Variants in ANP32A observed in about 807,000 individuals in gnomAD.
ANP32A encodes the protein acidic nuclear phosphoprotein 32 family member A.
A neutral mutation model predicts 33.9 loss-of-function variants in ANP32A; 1 was observed. The ratio of observed to expected loss-of-function variants is 0.03; its 90% CI spans 0.01 to 0.14. The LOEUF is 0.14. ANP32A is among the 10% of genes least tolerant of loss of function. The pLI, the probability that ANP32A is intolerant of heterozygous loss-of-function variation, is 1.00. For missense variants in ANP32A, 155 were observed against 306.0 expected (o/e 0.51, Z 3.68); for synonymous variants, 115 against 120.5 (o/e 0.95, Z 0.30).
chr15:68,781,913 C>G (rs1331116310), intron 5 of ANP32A, among the ~76,000 whole-genome samples: 2 of 152,158 alleles, frequency 1.3e-5, no homozygotes, highest in South Asian at 2.1e-4. Context: ...CTCCGCGATT[C>G]TATTGTCATT....
chr15:68,817,011 A>T (rs1763553874), intron 1 of ANP32A, among the ~76,000 whole-genome samples: 1 of 152,232 alleles, frequency 6.6e-6, no homozygotes, highest in Non-Finnish European at 1.5e-5. Context: ...GGTCAAAGTA[A>T]AAGCTGGCTT....
intron 1 of ANP32A, among the ~76,000 whole-genome samples, chr15:68,798,372 G>A (rs541449308): frequency 2.0e-5 from 3 of 152,170 alleles, no homozygotes; most frequent in Non-Finnish European, 4.4e-5. Flanking sequence ...CAGAGGCCAG[G>A]ACGCATCCCA....
At chr15:68,782,841 C>T (rs79101246) in intron 5 of ANP32A, 115 bp downstream of exon 5, 84 of 1,485,480 alleles carry the variant, frequency 5.7e-5, no homozygotes, top group Middle Eastern at 2.3e-4. Flanking sequence ...CACTACCCAT[C>T]GGGGAGCGAC....
At chr15:68,816,146 T>C (rs1479799965) in intron 1 of ANP32A, among the ~76,000 whole-genome samples, 1 of 152,162 alleles carries the variant, frequency 6.6e-6, no homozygotes, top group Non-Finnish European at 1.5e-5. Context: ...CCAACCAGGA[T>C]GCTATCCACT....
At position 68,780,662 on chromosome 15, in the gene ANP32A, A is replaced by G; in HGVS notation, c.625-189T>C. Reference sequence around the variant, plus strand: ...TTTCAGATCAAGGACTCATTGGGAAATCTGCAGAAAGCTTTGAACTCCTTC... The same window carrying G: ...TTTCAGATCAAGGACTCATTGGGAAGTCTGCAGAAAGCTTTGAACTCCTTC... On this transcript the variant is annotated intron_variant, in intron 5 of 6. Coordinates refer to ENST00000465139, the MANE Select transcript of ANP32A (RefSeq NM_006305.4). The surrounding 1 kb of genome is among the most constrained non-coding windows in gnomAD (Gnocchi z 4.3). 1.0e-6 allele frequency: 1 copy of G among 957,926 alleles called. No individual in the cohort carries two copies. Among genetic ancestry groups the G allele is most frequent in the Non-Finnish European group, 1.5e-6 (1 of 685,314 alleles). The allele number at this position is 957,926 out of a possible 1,614,324, so 59.3% of individuals were successfully genotyped here. A position where few individuals can be genotyped will look rare whatever the true frequency, so the allele number is the denominator to read the frequency against.
At chr15:68,795,030 T>C (rs1894045453) in intron 1 of ANP32A, among the ~76,000 whole-genome samples, 1 of 152,194 alleles carries the variant, frequency 6.6e-6, no homozygotes, top group African/African-American at 2.4e-5. Flanking sequence ...AGGTCCAAAG[T>C]TGGGGCCAGA....
At chr15:68,797,071 A>G (rs1384794624) in intron 1 of ANP32A, among the ~76,000 whole-genome samples, 2 of 152,110 alleles carry the variant, frequency 1.3e-5, no homozygotes, top group African/African-American at 4.8e-5. Context: ...AATCTCTTAA[A>G]ACATATCAGC....
rs1893840879 is a variant in ANP32A at position 68,779,785 on chromosome 15, CA to C, written c.*295del. 3.0e-6 allele frequency: 1 copy of C among 329,134 alleles called. No homozygotes were observed. The highest frequency in any genetic ancestry group is 5.6e-6 in the Non-Finnish European group (1 of 179,894). The allele number at this position is 329,134 out of a possible 1,614,324, so 20.4% of individuals were successfully genotyped here. On this transcript the variant is annotated 3_prime_UTR_variant, in exon 7 of 7. Transcript: ENST00000465139. ...AACCATCCTCTTTGAGAGTCAGGAA[CA>C]AATGCTCACTTAGTGTGTACTTAGC...
At chr15:68,805,531 C>T (rs1011911894) in intron 1 of ANP32A, among the ~76,000 whole-genome samples, 2 of 152,222 alleles carry the variant, frequency 1.3e-5, no homozygotes, top group Non-Finnish European at 2.9e-5. Context: ...GGCTGGAGCC[C>T]AAGGCTGGTG....
chr15:68,780,086 C>T lies in ANP32A; in HGVS notation c.745G>A (p.Asp249Asn), dbSNP rs1347646398. The change falls in exon 7 of 7, where the codon GAC (aspartate) becomes AAC (asparagine). Residue 249 changes from aspartate to asparagine, a missense_variant. Coordinates refer to ENST00000465139, the MANE Select transcript of ANP32A (RefSeq NM_006305.4). This position sits in a 1 kb window ranked among gnomAD's most constrained non-coding sequence, Gnocchi z 4.3. The part of the protein sequence containing the change: ...REPEDEGEDD[D>N] ...TTCAAAATAGGTTATTCCACTTAGT[C>T]ATCATCTTCTCCCTCATCTTCAGGT... The T allele has an allele frequency of 3.7e-6, 6 of 1,613,510 alleles. No individual in the cohort carries two copies. Among genetic ancestry groups the T allele is most frequent in the Non-Finnish European group, 5.1e-6 (6 of 1,179,642 alleles).
chr15:68,819,866 C>T (rs1031964078), intron 1 of ANP32A, among the ~76,000 whole-genome samples: 6 of 152,160 alleles, frequency 3.9e-5, no homozygotes, highest in Non-Finnish European at 7.3e-5. Flanking sequence ...ATTTATCCTC[C>T]CTTCGGAAGG....
intron 1 of ANP32A, among the ~76,000 whole-genome samples, chr15:68,795,019 A>G (rs545794658): frequency 1.3e-5 from 2 of 152,322 alleles, no homozygotes; most frequent in South Asian, 4.1e-4. Flanking sequence ...AGGAAGAAGC[A>G]AGGTCCAAAG....
chr15:68,786,197 A>G (rs974332164), intron 3 of ANP32A, among the ~76,000 whole-genome samples: 3 of 150,382 alleles, frequency 2.0e-5, no homozygotes, highest in African/African-American at 7.4e-5. Context: ...AACGTGGCCA[A>G]TTGTCCTCCT....
intron 1 of ANP32A, among the ~76,000 whole-genome samples, chr15:68,799,476 A>G (rs997556028): frequency 6.6e-6 from 1 of 152,202 alleles, no homozygotes; most frequent in Non-Finnish European, 1.5e-5. Flanking sequence ...TTAATCTCAA[A>G]ATGCTAAAAA....
At chr15:68,800,763 A>AG (rs1894123673) in intron 1 of ANP32A, among the ~76,000 whole-genome samples, 2 of 150,522 alleles carry the variant, frequency 1.3e-5, no homozygotes. Context: ...AAAAAGAAAG[A>AG]AAAGAAAAGG....
At chr15:68,818,482 A>G (rs1291536490) in intron 1 of ANP32A, among the ~76,000 whole-genome samples, 1 of 151,736 alleles carries the variant, frequency 6.6e-6, no homozygotes, top group African/African-American at 2.4e-5. Context: ...AAATGTGCAG[A>G]AAGTGCCCCC....
chr15:68,783,010 C>T lies in ANP32A; in HGVS notation c.570G>A (p.Glu190=), dbSNP rs1893889112. The T allele has an allele frequency of 2.6e-6, 4 of 1,551,406 alleles. No homozygotes were observed. Among genetic ancestry groups the T allele is most frequent in the Admixed American group, 2.0e-5 (1 of 50,974 alleles). The part of the protein sequence containing the change: ...DEDAQVVEDE[E]DEDEEEEGEE... Reference sequence around the variant, plus strand: ...CACCTTCCTCCTCCTCATCCTCGTCCTCCTCGTCTTCCACTACCTGAGCAT... The same window carrying T: ...CACCTTCCTCCTCCTCATCCTCGTCTTCCTCGTCTTCCACTACCTGAGCAT... Residue 190 remains glutamate, a synonymous_variant, in exon 5 of 7, where the codon GAG becomes GAA. Transcript: ENST00000465139.
At chr15:68,820,375 C>G (rs924645441) in intron 1 of ANP32A, among the ~76,000 whole-genome samples, 1 of 152,198 alleles carries the variant, frequency 6.6e-6, no homozygotes, top group Non-Finnish European at 1.5e-5. Flanking sequence ...GTGATTTCGC[C>G]TCATTCTCTC....
chr15:68,785,760 G>A (rs1460230989), intron 3 of ANP32A, among the ~76,000 whole-genome samples: 1 of 152,168 alleles, frequency 6.6e-6, no homozygotes, highest in African/African-American at 2.4e-5. Flanking sequence ...GAACATGAAC[G>A]TGCCTGAGTG....
Sources: allele counts gnomAD v4.1 joint callset (sites outside exome capture counted in the v4.1 genomes callset), GRCh38; gene constraint gnomAD v4.1.1; non-coding constraint Gnocchi (gnomAD v3.1); transcripts MANE v1.5; gene names NCBI Gene and HGNC (gene_info 2026-07-23, HGNC 2026-07-21).